CNTNAP5: variants seen among roughly 807,000 people sequenced by gnomAD.
CNTNAP5 encodes the protein contactin associated protein family member 5, also known as contactin-associated protein-like 5.
In CNTNAP5, 72 loss-of-function variants were observed where a neutral mutation model predicts 150.2. The observed-to-expected ratio is 0.48, with a 90% CI of 0.40 to 0.58. The LOEUF (loss-of-function observed/expected upper bound fraction) is 0.58, where lower values mean the gene tolerates loss of function less well. Among genes scored for constraint, CNTNAP5 ranks in the 20% least tolerant of loss-of-function variants. The pLI is 0.00. For missense variants in CNTNAP5, 1,636 were observed against 1,626.2 expected, an observed-to-expected ratio of 1.01 and a Z score of -0.10; for synonymous variants, 672 against 619.8, an observed-to-expected ratio of 1.08 and a Z score of -1.25.
chr2:124,216,902 C>A (rs1686172251), intron 1 of CNTNAP5, among the ~76,000 whole-genome samples: 1 of 152,156 alleles, frequency 6.6e-6, no homozygotes, highest in East Asian at 1.9e-4. Flanking sequence ...TGGGTATATA[C>A]CCAGTAATGG....
At chr2:124,419,496 A>G (rs1205657552) in intron 4 of CNTNAP5, among the ~76,000 whole-genome samples, 1 of 152,166 alleles carries the variant, frequency 6.6e-6, no homozygotes, top group Non-Finnish European at 1.5e-5. Flanking sequence ...TATCTTTTCT[A>G]CAGTATGAGA....
intron 7 of CNTNAP5, among the ~76,000 whole-genome samples, chr2:124,499,151 T>A (rs921446485): frequency 6.7e-6 from 1 of 149,792 alleles, no homozygotes; most frequent in African/African-American, 2.5e-5. Context: ...GAAAGGCATG[T>A]TTTTTTTTCC....
chr2:124,025,358 G>A lies in CNTNAP5; in HGVS notation c.-293G>A, dbSNP rs1333663080. The A allele has an allele frequency of 2.5e-6, 1 of 403,854 alleles. No individual in the cohort carries two copies. The highest frequency in any genetic ancestry group is 4.6e-6 in the Non-Finnish European group (1 of 215,818). The allele number at this position is 403,854 out of a possible 1,614,324, so 25.0% of individuals were successfully genotyped here. On this transcript the variant is annotated 5_prime_UTR_variant, in exon 1 of 24. Coordinates refer to ENST00000682447, the MANE Select transcript of CNTNAP5 (RefSeq NM_001367498.1). ...GCTCCGGCGCCTGTCGTTCTAATTG[G>A]GTTTGGATTTGCACCGTTAAGGAGG... is the stretch of plus-strand genomic sequence containing the variant.
At chr2:124,518,860 G>C (rs1694789938) in intron 8 of CNTNAP5, among the ~76,000 whole-genome samples, 1 of 151,540 alleles carries the variant, frequency 6.6e-6, no homozygotes, top group African/African-American at 2.4e-5. Context: ...GTGGTGGCGG[G>C]TGCCTGTGAT....
intron 21 of CNTNAP5, among the ~76,000 whole-genome samples, chr2:124,885,374 A>G (rs1337239716): frequency 6.6e-6 from 1 of 151,932 alleles, no homozygotes; most frequent in Non-Finnish European, 1.5e-5. Flanking sequence ...ATAAGTAGGG[A>G]CTATAGCCTG....
chr2:124,386,787 C>T (rs937554477), intron 3 of CNTNAP5, among the ~76,000 whole-genome samples: 32 of 152,034 alleles, frequency 2.1e-4, no homozygotes, highest in African/African-American at 7.7e-4. Flanking sequence ...CCAAAAATTG[C>T]CACTCCTCTG....
At chr2:124,458,215 A>ATATATATAATAAATATATAT (rs1693166173) in intron 6 of CNTNAP5, among the ~76,000 whole-genome samples, 1 of 138,444 alleles carries the variant, frequency 7.2e-6, no homozygotes, top group Non-Finnish European at 1.6e-5. Context: ...TATATATATA[A>ATATATATAATAAATATATAT]TATATATAAT....
At chr2:124,907,477 A>G (rs896491578) in intron 22 of CNTNAP5, among the ~76,000 whole-genome samples, 6 of 148,998 alleles carry the variant, frequency 4.0e-5, no homozygotes, top group Non-Finnish European at 5.9e-5. Flanking sequence ...ATTCTATTCT[A>G]TAAGAATAGA....
At chr2:124,465,069 C>T (rs1489040845) in intron 6 of CNTNAP5, among the ~76,000 whole-genome samples, 2 of 151,742 alleles carry the variant, frequency 1.3e-5, no homozygotes, top group Non-Finnish European at 2.9e-5. Context: ...GAGAAAAAGC[C>T]AACAAGGGAG....
At chr2:124,150,885 C>T (rs1684389818) in intron 1 of CNTNAP5, among the ~76,000 whole-genome samples, 3 of 152,156 alleles carry the variant, frequency 2.0e-5, no homozygotes, top group Admixed American at 6.6e-5. Flanking sequence ...GATTGTTACT[C>T]AGCCCCCTGT....
At chr2:124,843,279 T>C (rs555339715) in intron 19 of CNTNAP5, among the ~76,000 whole-genome samples, 1 of 152,194 alleles carries the variant, frequency 6.6e-6, no homozygotes, top group African/African-American at 2.4e-5. Flanking sequence ...CCTTATCCAC[T>C]CGTTGATCGA....
intron 2 of CNTNAP5, among the ~76,000 whole-genome samples, chr2:124,232,670 G>A (rs868799771): frequency 5.9e-5 from 9 of 151,896 alleles, no homozygotes; most frequent in African/African-American, 1.5e-4. Flanking sequence ...ATTCATCTAC[G>A]CAATTGGTTG....
At chr2:124,450,847 A>T (rs752828956) in intron 6 of CNTNAP5, among the ~76,000 whole-genome samples, 3 of 151,040 alleles carry the variant, frequency 2.0e-5, no homozygotes, top group South Asian at 2.1e-4. Context: ...AAGCTCTTAA[A>T]CTGTTGAAAA....
At position 124,567,862 on chromosome 2, in the gene CNTNAP5, T is replaced by TAG. The variant is rs1553480442; in HGVS notation, c.1756+4541_1756+4542dup. On this transcript the variant is annotated intron_variant, in intron 11 of 23. Transcript: ENST00000682447. Reference sequence around the variant, plus strand: ...ATAGATAGATAGATAGATAGATAGATAGATAGATAGATAGATAGATATAGA... The same window carrying TAG: ...ATAGATAGATAGATAGATAGATAGATAGAGATAGATAGATAGATAGATATAGA... Among the ~76,000 whole-genome samples the TAG allele has an allele frequency of 2.0e-3, 250 of 128,152 alleles. 3 individuals are homozygous for TAG. Among genetic ancestry groups the TAG allele is most frequent in the East Asian group, 0.015 (65 of 4,438 alleles). The allele number at this position is 128,152 out of a possible 152,430, so 84.1% of individuals were successfully genotyped here.
At chr2:124,099,202 C>T (rs767374922) in intron 1 of CNTNAP5, among the ~76,000 whole-genome samples, 32 of 152,152 alleles carry the variant, frequency 2.1e-4, no homozygotes, top group Non-Finnish European at 3.2e-4. Context: ...CCATCTTGAA[C>T]GTCCTTTATG....
intron 1 of CNTNAP5, among the ~76,000 whole-genome samples, chr2:124,111,371 C>T (rs1226659625): frequency 6.6e-6 from 1 of 152,142 alleles, no homozygotes; most frequent in East Asian, 1.9e-4. Flanking sequence ...ACTGGAGGCT[C>T]CTTTCTGGCT....
At chr2:124,307,952 G>T (rs577404486) in intron 3 of CNTNAP5, among the ~76,000 whole-genome samples, 24 of 152,260 alleles carry the variant, frequency 1.6e-4, no homozygotes, top group Non-Finnish European at 2.8e-4. Flanking sequence ...AAAGCTGGCG[G>T]GTCATTCACA....
intron 13 of CNTNAP5, among the ~76,000 whole-genome samples, chr2:124,718,584 A>C (rs1287314514): frequency 1.3e-5 from 2 of 152,150 alleles, no homozygotes; most frequent in Non-Finnish European, 2.9e-5. Flanking sequence ...TTGCTGCAAC[A>C]GTGTTGGTGA....
chr2:124,899,125 C>T (rs191454349), intron 21 of CNTNAP5, among the ~76,000 whole-genome samples: 2 of 151,390 alleles, frequency 1.3e-5, no homozygotes, highest in African/African-American at 4.9e-5. Flanking sequence ...ATGCATATAT[C>T]AAAACATCAT....
Sources: allele counts gnomAD v4.1 joint callset (sites outside exome capture counted in the v4.1 genomes callset), GRCh38; gene constraint gnomAD v4.1.1; transcripts MANE v1.5; gene names NCBI Gene and HGNC (gene_info 2026-07-23, HGNC 2026-07-21).